DOCK10: variants seen among roughly 807,000 people sequenced by gnomAD.
The protein encoded by DOCK10 is dedicator of cytokinesis protein 10.
In DOCK10, 145 loss-of-function variants were observed where a neutral mutation model predicts 280.1. The ratio of observed to expected loss-of-function variants is 0.52; its 90% CI spans 0.45 to 0.59. The LOEUF (loss-of-function observed/expected upper bound fraction) is 0.59, where lower values mean the gene tolerates loss of function less well. DOCK10 is among the 20% of genes least tolerant of loss of function. The probability of loss-of-function intolerance (pLI) is 0.00; values close to 1 mark genes in which losing one functional copy is unlikely to be tolerated. For missense variants in DOCK10, 2,368 were observed against 2,651.7 expected (o/e 0.89, Z 2.35); for synonymous variants, 915 against 942.2 (o/e 0.97, Z 0.53).
chr2:224,968,684 A>C (rs1488069869), intron 1 of DOCK10, among the ~76,000 whole-genome samples: 1 of 152,210 alleles, frequency 6.6e-6, no homozygotes, highest in Non-Finnish European at 1.5e-5. Flanking sequence ...ACTGACTAAG[A>C]TACTAGATTA....
intron 1 of DOCK10, among the ~76,000 whole-genome samples, chr2:225,030,801 T>C (rs927672234): frequency 2.0e-5 from 3 of 152,230 alleles, no homozygotes; most frequent in Admixed American, 6.5e-5. Context: ...AAAAATTTTA[T>C]ACAATGTATT....
At chr2:224,955,244 T>C (rs1476808065) in intron 1 of DOCK10, among the ~76,000 whole-genome samples, 1 of 152,220 alleles carries the variant, frequency 6.6e-6, no homozygotes, top group Non-Finnish European at 1.5e-5. Context: ...GTGGGGAGAC[T>C]AAGGTCTTTC....
At chr2:224,997,270 T>A (rs1706301381) in intron 1 of DOCK10, among the ~76,000 whole-genome samples, 1 of 150,332 alleles carries the variant, frequency 6.7e-6, no homozygotes, top group Non-Finnish European at 1.5e-5. Context: ...CTCACTCTGT[T>A]GCTCAGGCTG....
chr2:224,876,163 A>G lies in DOCK10; in HGVS notation c.806T>C (p.Val269Ala), dbSNP rs1365237428. ...ATCTGACTCTGTTTCAGCTGCCAGC[A>G]CAAAATAGGTCAGATCATTCATTTT... ...ELKMNDLTYF[V>A]LAAETESDMD... Residue 269 changes from valine (V) to alanine (A), a missense_variant, in exon 8 of 56, where the codon GTG (valine) becomes GCG (alanine). Val to Ala is a moderately conservative substitution (Grantham distance 64). Around this residue, in one of 2 missense-constraint regions of DOCK10, gnomAD observed 1,209 missense variants for 1,250.9 expected, o/e 0.97. Coordinates refer to ENST00000258390, the MANE Select transcript of DOCK10 (RefSeq NM_014689.3). The G allele has an allele frequency of 6.2e-6, 10 of 1,613,776 alleles. No homozygotes were observed. Among genetic ancestry groups the G allele is most frequent in the Non-Finnish European group, 7.6e-6 (9 of 1,179,846 alleles).
Position 224,817,712 on chromosome 2 carries a change from A to G in DOCK10, c.3268-999T>C, listed in dbSNP as rs1331233550. Among the ~76,000 whole-genome samples the G allele has an allele frequency of 2.6e-5, 4 of 152,294 alleles. No homozygotes were observed. In the East Asian group the frequency reaches 7.7e-4, roughly 29 times the overall value. On this transcript the variant is annotated intron_variant, in intron 29 of 55. Coordinates refer to ENST00000258390, the MANE Select transcript of DOCK10 (RefSeq NM_014689.3). ...ATGCATGACAGGAGCACAAATGAAGAATATACTTTCAAAAAAAATTGAGAG... is the reference window on the plus strand; with the variant it reads ...ATGCATGACAGGAGCACAAATGAAGGATATACTTTCAAAAAAAATTGAGAG...
In DOCK10 at chr2:224,973,707, A is replaced by G. The variant is rs893512448; in HGVS notation, c.124-42039T>C. Among the ~76,000 whole-genome samples the G allele has an allele frequency of 3.3e-5, 5 of 152,244 alleles. No homozygotes were observed. In the East Asian group the frequency reaches 9.6e-4, roughly 29 times the overall value. On this transcript the variant is annotated intron_variant, in intron 1 of 55. Coordinates refer to ENST00000258390, the MANE Select transcript of DOCK10 (RefSeq NM_014689.3). ...AACTAAGTTCGTGGTCATTTATTACAGCAGAAATAGGAAACTAAGGCAGAT... is the reference window on the plus strand; with the variant it reads ...AACTAAGTTCGTGGTCATTTATTACGGCAGAAATAGGAAACTAAGGCAGAT...
intron 9 of DOCK10, 118 bp downstream of exon 9, chr2:224,874,548 G>A: frequency 9.2e-7 from 1 of 1,081,700 alleles, no homozygotes. Context: ...TTAACGGGAA[G>A]TTCCAAATTA....
At chr2:224,982,111 G>T in intron 1 of DOCK10, 1 of 934,632 alleles carries the variant, frequency 1.1e-6, no homozygotes, top group Non-Finnish European at 1.4e-6. Context: ...GGTCACACAT[G>T]CCTTTATCTA....
At chr2:224,977,665 C>G (rs1248196587) in intron 1 of DOCK10, among the ~76,000 whole-genome samples, 1 of 152,172 alleles carries the variant, frequency 6.6e-6, no homozygotes, top group Non-Finnish European at 1.5e-5. Context: ...GGAATTTCTT[C>G]ATTTTTTCCC....
At chr2:224,888,796 A>G (rs967881028) in intron 4 of DOCK10, among the ~76,000 whole-genome samples, 1 of 147,364 alleles carries the variant, frequency 6.8e-6, no homozygotes, top group Non-Finnish European at 1.5e-5. Context: ...ATGTTTTTGT[A>G]TGTGTGAATA....
At chr2:224,917,843 T>G (rs1183946067) in intron 2 of DOCK10, among the ~76,000 whole-genome samples, 1 of 152,224 alleles carries the variant, frequency 6.6e-6, no homozygotes, top group Non-Finnish European at 1.5e-5. Flanking sequence ...TCCAGCCATC[T>G]GCTTCCTTTA....
intron 53 of DOCK10, among the ~76,000 whole-genome samples, chr2:224,772,931 G>T (rs983612648): frequency 6.6e-6 from 1 of 152,184 alleles, no homozygotes; most frequent in Non-Finnish European, 1.5e-5. Context: ...GGTGGAGGAA[G>T]AATACATTTT....
chr2:224,853,719 T>C (rs1054817207), intron 16 of DOCK10, among the ~76,000 whole-genome samples: 1 of 152,178 alleles, frequency 6.6e-6, no homozygotes, highest in Non-Finnish European at 1.5e-5. Flanking sequence ...AAATAGTGAT[T>C]AGGAATTTAT....
At chr2:224,926,228 A>G (rs1702037168) in intron 2 of DOCK10, among the ~76,000 whole-genome samples, 1 of 152,246 alleles carries the variant, frequency 6.6e-6, no homozygotes, top group African/African-American at 2.4e-5. Flanking sequence ...AAAATAAAGG[A>G]AAGTGCTTCT....
intron 25 of DOCK10, among the ~76,000 whole-genome samples, chr2:224,835,746 G>A (rs1362730166): frequency 6.6e-6 from 1 of 152,188 alleles, no homozygotes; most frequent in African/African-American, 2.4e-5. Flanking sequence ...AGTAAAATGC[G>A]AGTTGATTAC....
intron 47 of DOCK10, among the ~76,000 whole-genome samples, chr2:224,791,363 T>A (rs1020193017): frequency 1.3e-5 from 2 of 152,028 alleles, no homozygotes; most frequent in Middle Eastern, 3.4e-3. Flanking sequence ...TGGGTGGACA[T>A]GAGCCATGGG....
intron 19 of DOCK10, among the ~76,000 whole-genome samples, chr2:224,846,227 A>T (rs965318812): frequency 2.0e-5 from 3 of 152,246 alleles, no homozygotes; most frequent in Non-Finnish European, 4.4e-5. Context: ...GACTAAATAC[A>T]TGCACATACA....
intron 1 of DOCK10, among the ~76,000 whole-genome samples, chr2:225,000,905 C>T (rs764652569): frequency 2.6e-4 from 40 of 152,168 alleles, no homozygotes; most frequent in Middle Eastern, 3.4e-3. Flanking sequence ...GAACTGAGGA[C>T]GCAGAGGTTG....
rs142754266 is a variant in DOCK10 at position 224,865,888 on chromosome 2, T to C, written c.1258-801A>G. Among the ~76,000 whole-genome samples, 886 of 147,676 alleles carry C rather than the reference T, an allele frequency of 6.0e-3. 5 individuals carry two copies. Among genetic ancestry groups the C allele is most frequent in the African/African-American group, 0.02 (803 of 39,280 alleles). ...ACACACACACTCTCTCTCTCTCTCT[T>C]ACACACATACACACACACTCTCTCT... On this transcript the variant is annotated intron_variant, in intron 11 of 55. Transcript: ENST00000258390.
Sources: gnomAD v4.1 joint callset for allele counts (sites outside exome capture counted in the v4.1 genomes callset) on GRCh38, gnomAD v4.1.1 for gene constraint, gnomAD v4.1.1 regional missense constraint, MANE v1.5 for transcripts, NCBI Gene and HGNC (gene_info 2026-07-23, HGNC 2026-07-21) for gene names.